The following APOB variants were observed in gnomAD, a reference collection of about 807,000 sequenced individuals.
APOB encodes the protein apolipoprotein B.
In APOB, 153 loss-of-function variants were observed where a neutral mutation model predicts 314.1. The ratio of observed to expected loss-of-function variants is 0.49; its 90% CI spans 0.43 to 0.56. APOB has a LOEUF of 0.56. Among genes scored for constraint, APOB ranks in the 20% least tolerant of loss-of-function variants. The pLI is 0.00. For missense variants in APOB, 5,430 were observed against 5,350.7 expected (o/e 1.01, Z -0.46); for synonymous variants, 2,087 against 2,036.4 (o/e 1.02, Z -0.67).
chr2:21,038,419 C>T (rs1344918085), intron 4 of APOB, among the ~76,000 whole-genome samples: 1 of 152,124 alleles, frequency 6.6e-6, no homozygotes, highest in African/African-American at 2.4e-5. Flanking sequence ...TCACTGCAAC[C>T]TCCACCTCCT....
chr2:21,010,319 C>G lies in APOB; in HGVS notation c.6549G>C (p.Gln2183His). ...GTAAATCATAACTATCTTTAATATA[C>G]TGATCAAATTGTATCATATATGTCT... ...QLQTYMIQFD[Q>H]YIKDSYDLHD... The change falls in exon 26 of 29, where the codon CAG becomes CAC. Residue 2183 changes from glutamine (Q) to histidine (H), a missense_variant. By Grantham distance (24) the Gln-to-His change is conservative. Coordinates refer to ENST00000233242, the MANE Select transcript of APOB (RefSeq NM_000384.3). 6.4e-7 allele frequency: 1 copy of G among 1,554,140 alleles called. No individual in the cohort carries two copies. The highest frequency in any genetic ancestry group is 1.4e-5 in the African/African-American group (1 of 72,852).
chr2:21,009,733 T>C lies in APOB; in HGVS notation c.7135A>G (p.Asn2379Asp). The change falls in exon 26 of 29, where the codon AAT becomes GAT. Residue 2379 changes from asparagine to aspartate, a missense_variant. By Grantham distance (23) the Asn-to-Asp change is conservative (BLOSUM62 1). Transcript: ENST00000233242. ...KLKETIQKLSNVLQQVKIKDY... is the reference protein window; with the variant it reads ...KLKETIQKLSDVLQQVKIKDY... ...TTTATCTTAACTTGTTGTAGGACAT[T>C]GCTTAGCTTCTGAATAGTCTCCTTC... 6.2e-7 allele frequency: 1 copy of C among 1,613,946 alleles called. No individual in the cohort carries two copies. The highest frequency in any genetic ancestry group is 1.7e-5 in the Admixed American group (1 of 59,976).
chr2:21,043,884 A>AGCAGCAGCAGCAGCGCAG lies in APOB; in HGVS notation c.44_61dup (p.Pro15_Leu20dup), dbSNP rs1664200040. 3 of 1,473,206 alleles carry AGCAGCAGCAGCAGCGCAG rather than the reference A, an allele frequency of 2.0e-6. No individual in the cohort carries two copies. Among genetic ancestry groups the AGCAGCAGCAGCAGCGCAG allele is most frequent in the African/African-American group, 1.5e-5 (1 of 67,272 alleles). 91.3% of individuals were successfully genotyped at this position (1,473,206 alleles called of 1,614,324 possible). A position where few individuals can be genotyped will look rare whatever the true frequency, so the allele number is the denominator to read the frequency against. On this transcript the variant is annotated inframe_insertion, in exon 1 of 29. Transcript: ENST00000233242. ...CTCACCGGCCCTGGCGCCCGCCAGC[A>AGCAGCAGCAGCAGCGCAG]GCAGCAGCAGCAGCGCAGGCAGCGC...
At position 21,033,279 on chromosome 2, in the gene APOB, G is replaced by C. The variant is rs373672606; in HGVS notation, c.1124+20C>G. 3.8e-5 allele frequency: 60 copies of C among 1,597,574 alleles called. No homozygotes were observed. The East Asian group carries it at 1.3e-3, about 34-fold the overall frequency. On this transcript the variant is annotated intron_variant, in intron 9 of 28. Transcript: ENST00000233242. ...GTTACCATCAGTTTTATAAAAAGTT[G>C]AGCTGTAACCATTAGATACCTGGAC...
chr2:21,004,494 G>A, intron 27 of APOB, 42 bp from the exon 28 acceptor site: 1 of 1,613,090 alleles, frequency 6.2e-7, no homozygotes, highest in Non-Finnish European at 8.5e-7. Flanking sequence ...AAAGGGGTAT[G>A]GAGATGAAGA....
At chr2:21,024,774 A>G (rs1663691190) in intron 16 of APOB, 159 bp downstream of exon 16, 1 of 776,558 alleles carries the variant, frequency 1.3e-6, no homozygotes, top group South Asian at 1.4e-5. Context: ...ATGTGATCCA[A>G]GAGTCATCTT....
chr2:21,041,624 C>T (rs1664134576), intron 3 of APOB, among the ~76,000 whole-genome samples: 1 of 152,224 alleles, frequency 6.6e-6, no homozygotes, highest in African/African-American at 2.4e-5. Context: ...TACATGTGTG[C>T]TGTTCAATAT....
chr2:21,037,568 G>C (rs971323141), intron 5 of APOB, among the ~76,000 whole-genome samples: 1 of 152,176 alleles, frequency 6.6e-6, no homozygotes, highest in African/African-American at 2.4e-5. Flanking sequence ...AATGAATTCT[G>C]TCTCACAGTG....
rs182336442 is a variant in APOB, at chr2:21,035,012, A to G, written c.819-111T>C. On this transcript the variant is annotated intron_variant, in intron 7 of 28. Coordinates refer to ENST00000233242, the MANE Select transcript of APOB (RefSeq NM_000384.3). ...TACCCAAGTCCTGCCCATCTTTCAAAGCATGGGTAAATCCAGCCATTGTTG... is the reference window on the plus strand; with the variant it reads ...TACCCAAGTCCTGCCCATCTTTCAAGGCATGGGTAAATCCAGCCATTGTTG... 4.8e-4 allele frequency: 373 copies of G among 773,480 alleles called. 3 individuals are homozygous for G. In the East Asian group the frequency reaches 8.6e-3, roughly 18 times the overall value. The allele number at this position is 773,480 out of a possible 1,614,324, so 47.9% of individuals were successfully genotyped here.
At chr2:21,041,108 T>C in intron 3 of APOB, 25 bp from the exon 4 acceptor site, 1 of 1,606,998 alleles carries the variant, frequency 6.2e-7, no homozygotes, top group African/African-American at 1.3e-5. Context: ...TAGCAGAGCA[T>C]TGAGGTTGTC....
rs146377316 is a variant in APOB at position 21,007,693 on chromosome 2, G to A, written c.9175C>T (p.Arg3059Cys). The change falls in exon 26 of 29, where the codon CGT becomes TGT. Residue 3059 changes from arginine to cysteine, a missense_variant. Physicochemically the swap from Arg to Cys is radical, Grantham distance 180 (BLOSUM62 -3). Coordinates refer to ENST00000233242, the MANE Select transcript of APOB (RefSeq NM_000384.3). ...TTCCCTGTTAACCTTAATGGAAAAC[G>A]AACTTTCAAATTCCCTTCATTGTTT... is the stretch of plus-strand genomic sequence containing the variant. ...STNNEGNLKV[R>C]FPLRLTGKID... 13 of 1,613,924 alleles carry A rather than the reference G, an allele frequency of 8.1e-6. 1 individual carries two copies. Among genetic ancestry groups the A allele is most frequent in the South Asian group, 6.6e-5 (6 of 91,060 alleles).
intron 7 of APOB, 69 bp from the exon 8 acceptor site, chr2:21,034,970 T>C: frequency 1.2e-6 from 1 of 854,910 alleles, no homozygotes; most frequent in Non-Finnish European, 2.1e-6. Context: ...GTTGAAGGTT[T>C]TCCCTGTCTC....
At chr2:21,040,047 G>C (rs929726823) in intron 4 of APOB, among the ~76,000 whole-genome samples, 1 of 152,112 alleles carries the variant, frequency 6.6e-6, no homozygotes, top group African/African-American at 2.4e-5. Flanking sequence ...TTGAATCATG[G>C]GGGCAGGTCT....
chr2:21,043,069 C>A (rs1175934453), intron 2 of APOB, among the ~76,000 whole-genome samples: 1 of 149,030 alleles, frequency 6.7e-6, no homozygotes, highest in African/African-American at 2.5e-5. Context: ...GTCCGCCCCG[C>A]GGCTCCAGCA....
rs1300279997 is a variant in APOB, at chr2:21,005,652, T to C, written c.11216A>G (p.Asp3739Gly). The change falls in exon 26 of 29, where the codon GAT (aspartate) becomes GGT (glycine). Residue 3739 changes from aspartate (D) to glycine (G), a missense_variant. Physicochemically the swap from Asp to Gly is moderately conservative, Grantham distance 94. Around this residue, in one of 3 missense-constraint regions of APOB, gnomAD observed 3,281 missense variants for 3,171.0 expected, o/e 1.03. Transcript: ENST00000233242. ...AGGCATGACAAGAACTGAATTTAGA[T>C]CATTTAGTTTCAGCCCAGGAATAAT... ...KFIIPGLKLN[D>G]LNSVLVMPTF... The C allele has an allele frequency of 6.2e-7, 1 of 1,613,898 alleles. No individual in the cohort carries two copies. The highest frequency in any genetic ancestry group is 2.2e-5 in the East Asian group (1 of 44,872).
In APOB at chr2:21,008,713, G is replaced by T. The variant is rs759992512; in HGVS notation, c.8155C>A (p.Pro2719Thr). The change falls in exon 26 of 29, where the codon CCA (proline) becomes ACA (threonine). Residue 2719 changes from proline to threonine, a missense_variant. This residue lies in a region of APOB where 3,281 missense variants were observed against 3,171.0 expected (regional missense o/e 1.03). Coordinates refer to ENST00000233242, the MANE Select transcript of APOB (RefSeq NM_000384.3). ...TTGAGAGTTGGGATTATGAATTCTG[G>T]AATTGCGATTTCTGGTAAACGGAAG... ...PDFRLPEIAI[P>T]EFIIPTLNLN... The T allele has an allele frequency of 1.2e-6, 2 of 1,614,094 alleles. No homozygotes were observed. Among genetic ancestry groups the T allele is most frequent in the East Asian group, 4.5e-5 (2 of 44,876 alleles).
intron 17 of APOB, 35 bp downstream of exon 17, chr2:21,023,490 T>C (rs777848235): frequency 2.5e-5 from 40 of 1,611,936 alleles, no homozygotes; most frequent in Admixed American, 2.2e-4. Flanking sequence ...AAGAAAGTAA[T>C]AACCTAAGAA....
At chr2:21,029,489 GAGGGAGGA>G (rs1009240534) in intron 12 of APOB, 142 bp downstream of exon 12, 9 of 843,660 alleles carry the variant, frequency 1.1e-5, no homozygotes, top group African/African-American at 1.8e-5. Context: ...GAAAGGGAGG[GAGGGAGGA>G]AGGAAGGAAG....
chr2:21,005,786 G>A lies in APOB; in HGVS notation c.11082C>T (p.Thr3694=), dbSNP rs1311037335. 2 of 1,613,982 alleles carry A rather than the reference G, an allele frequency of 1.2e-6. No homozygotes were observed. Among genetic ancestry groups the A allele is most frequent in the Non-Finnish European group, 1.7e-6 (2 of 1,179,968 alleles). The part of the protein sequence containing the change: ...LWDFLKLDVT[T]SIGRRQHLRV... ...GAAGATGCTGTCTCCTACCAATGCT[G>A]GTGGTTACATCCAGCTTTAGGAAAT... The change falls in exon 26 of 29, where the codon ACC becomes ACT. Residue 3694 remains threonine, a synonymous_variant. Transcript: ENST00000233242.
Sources: gnomAD v4.1 joint callset for allele counts (sites outside exome capture counted in the v4.1 genomes callset) on GRCh38, gnomAD v4.1.1 for gene constraint, gnomAD v4.1.1 regional missense constraint, MANE v1.5 for transcripts, NCBI Gene and HGNC (gene_info 2026-07-23, HGNC 2026-07-21) for gene names.